Variants in SKAP1 observed in about 807,000 individuals in gnomAD.
SKAP1 encodes the protein src kinase-associated phosphoprotein 1.
SKAP1 carries 44 observed loss-of-function variants against 58.5 expected under a neutral mutation model. The observed-to-expected ratio is 0.75, with a 90% CI of 0.59 to 0.97. The LOEUF (loss-of-function observed/expected upper bound fraction) is 0.97, where lower values mean the gene tolerates loss of function less well. Among genes scored for constraint, SKAP1 ranks in the 50% least tolerant of loss-of-function variants. SKAP1 has a pLI of 0.00. For missense variants in SKAP1, 390 were observed against 435.2 expected, an observed-to-expected ratio of 0.90 and a Z score of 0.92; for synonymous variants, 127 against 149.7, an observed-to-expected ratio of 0.85 and a Z score of 1.11.
the SKAP1 span, among the ~76,000 whole-genome samples, chr17:48,437,358 A>T: frequency 6.6e-6 from 1 of 152,154 alleles, no homozygotes; most frequent in African/African-American, 2.4e-5. Context: ...CAGATTCCTC[A>T]TCGGTAAATT....
Position 48,413,523 on chromosome 17 carries a change from A to T in SKAP1, c.46+16552T>A, listed in dbSNP as rs532905991. On this transcript the variant is annotated intron_variant, in intron 1 of 12. Coordinates refer to ENST00000336915, the MANE Select transcript of SKAP1 (RefSeq NM_003726.4). ...GAGCAAAACTCCGTCTCAAAAAAAA[A>T]ATATATATATATATATATATTTGCT... Among the ~76,000 whole-genome samples the T allele has an allele frequency of 4.8e-3, 504 of 105,512 alleles. 58 individuals are homozygous for T. The highest frequency in any genetic ancestry group is 0.013 in the Middle Eastern group (3 of 224). The allele number at this position is 105,512 out of a possible 152,430, so 69.2% of individuals were successfully genotyped here. A position where few individuals can be genotyped will look rare whatever the true frequency, so the allele number is the denominator to read the frequency against.
At chr17:48,171,732 A>AGTGT (rs2064219857) in intron 9 of SKAP1, among the ~76,000 whole-genome samples, 1 of 75,504 alleles carries the variant, frequency 1.3e-5, no homozygotes, top group Non-Finnish European at 2.8e-5. Flanking sequence ...TTAGGATGTT[A>AGTGT]GAGTGTGTGT....
At chr17:48,411,534 G>A (rs1227800277) in intron 1 of SKAP1, among the ~76,000 whole-genome samples, 1 of 152,168 alleles carries the variant, frequency 6.6e-6, no homozygotes, top group African/African-American at 2.4e-5. Flanking sequence ...CACTCCTTAA[G>A]TGTGGGGTGC....
intron 4 of SKAP1, among the ~76,000 whole-genome samples, chr17:48,290,246 G>A (rs1231945184): frequency 6.6e-6 from 1 of 152,086 alleles, no homozygotes; most frequent in East Asian, 1.9e-4. Flanking sequence ...GGCAATTCAA[G>A]AATTATTTGT....
chr17:48,271,692 T>G (rs2065635673), intron 4 of SKAP1, among the ~76,000 whole-genome samples: 1 of 152,116 alleles, frequency 6.6e-6, no homozygotes, highest in Non-Finnish European at 1.5e-5. Flanking sequence ...TTTTCTCTAT[T>G]CAGTGATTTT....
At chr17:48,409,152 G>A (rs980184603) in intron 1 of SKAP1, among the ~76,000 whole-genome samples, 1 of 152,210 alleles carries the variant, frequency 6.6e-6, no homozygotes, top group Non-Finnish European at 1.5e-5. Context: ...AGCAAGTGGT[G>A]CAACCAAGAT....
rs193204696 is a variant in SKAP1 at position 48,401,724 on chromosome 17, G to A, written c.47-4939C>T. ...CCTTGGATTAGGTAATGGTTTCTTA[G>A]ATATGACACCAAGAAAAAAAAAGCA... On this transcript the variant is annotated intron_variant, in intron 1 of 12. Coordinates refer to ENST00000336915, the MANE Select transcript of SKAP1 (RefSeq NM_003726.4). 2.2e-3 allele frequency among the ~76,000 whole-genome samples: 330 copies of A among 151,838 alleles called. 2 individuals carry two copies. The highest frequency in any genetic ancestry group is 7.7e-3 in the African/African-American group (318 of 41,402).
chr17:48,438,430 A>G, the SKAP1 span, among the ~76,000 whole-genome samples: 2 of 152,220 alleles, frequency 1.3e-5, no homozygotes, highest in East Asian at 3.8e-4. Context: ...CATTAAAGAT[A>G]TATTTGAGGA....
intron 4 of SKAP1, among the ~76,000 whole-genome samples, chr17:48,264,232 G>GTATACATATATATGTT (rs2143944531): frequency 6.6e-6 from 1 of 151,746 alleles, no homozygotes; most frequent in South Asian, 2.1e-4. Context: ...TATACAAAAT[G>GTATACATATATATGTT]TATACATATA....
chr17:48,252,113 C>T (rs1233503864), intron 4 of SKAP1, among the ~76,000 whole-genome samples: 2 of 152,040 alleles, frequency 1.3e-5, no homozygotes, highest in East Asian at 1.9e-4. Flanking sequence ...TCTTTCTGAG[C>T]GATTATGACT....
chr17:48,350,159 C>T (rs2066779789), intron 3 of SKAP1, among the ~76,000 whole-genome samples: 1 of 151,838 alleles, frequency 6.6e-6, no homozygotes, highest in Non-Finnish European at 1.5e-5. Flanking sequence ...GCCATAATGA[C>T]AATTTTACCA....
chr17:48,160,076 G>A (rs1423551094), intron 11 of SKAP1, among the ~76,000 whole-genome samples: 2 of 152,068 alleles, frequency 1.3e-5, no homozygotes, highest in African/African-American at 4.8e-5. Context: ...ATAGAAACAG[G>A]GCAGTGAGGT....
intron 4 of SKAP1, among the ~76,000 whole-genome samples, chr17:48,207,195 C>T (rs1232702595): frequency 6.6e-6 from 1 of 152,000 alleles, no homozygotes; most frequent in Non-Finnish European, 1.5e-5. Flanking sequence ...ATTAAAACCA[C>T]TTGCACAGGT....
upstream of SKAP1, among the ~76,000 whole-genome samples, chr17:48,433,329 T>C (rs1422209905): frequency 6.6e-6 from 1 of 152,126 alleles, no homozygotes; most frequent in Non-Finnish European, 1.5e-5. Flanking sequence ...CTGTCAGAAA[T>C]ATCAAAGCAA....
At chr17:48,308,007 G>A (rs1477856229) in intron 4 of SKAP1, 1 of 152,156 alleles carries the variant, frequency 6.6e-6, no homozygotes, top group Non-Finnish European at 1.5e-5. Flanking sequence ...GCCACAAGGT[G>A]GCTCCCCCAA....
intron 1 of SKAP1, among the ~76,000 whole-genome samples, chr17:48,404,592 T>C (rs896527564): frequency 6.6e-6 from 1 of 152,182 alleles, no homozygotes; most frequent in Non-Finnish European, 1.5e-5. Context: ...TACTACTTCA[T>C]CCTTGACAGT....
In SKAP1 at chr17:48,345,893, G is replaced by A; in HGVS notation, c.280+12C>T. On this transcript the variant is annotated intron_variant, in intron 4 of 12. Transcript: ENST00000336915. ...ATGGTAGTCACCCAAAATCCAGAAG[G>A]ATAACACTCACCCTCATCCTGATAA... 1 of 1,591,664 alleles carries A rather than the reference G, an allele frequency of 6.3e-7. No individual in the cohort carries two copies. Among genetic ancestry groups the A allele is most frequent in the East Asian group, 2.2e-5 (1 of 44,680 alleles).
intron 4 of SKAP1, among the ~76,000 whole-genome samples, chr17:48,224,387 C>G (rs2065044064): frequency 6.6e-6 from 1 of 152,148 alleles, no homozygotes; most frequent in South Asian, 2.1e-4. Context: ...TGAGCAGGTC[C>G]TTTAAACTGG....
intron 11 of SKAP1, among the ~76,000 whole-genome samples, chr17:48,152,682 A>G (rs984892265): frequency 2.6e-5 from 4 of 152,172 alleles, no homozygotes; most frequent in African/African-American, 9.7e-5. Context: ...CGCAGCCTTC[A>G]CCGGTTAGTT....
Sources: allele counts gnomAD v4.1 joint callset (sites outside exome capture counted in the v4.1 genomes callset), GRCh38; gene constraint gnomAD v4.1.1; transcripts MANE v1.5; gene names NCBI Gene and HGNC (gene_info 2026-07-23, HGNC 2026-07-21).